MMAA: variants seen among roughly 807,000 people sequenced by gnomAD.
MMAA encodes metabolism of cobalamin associated A.
MMAA carries 41 observed loss-of-function variants against 45.0 expected under a neutral mutation model. The ratio of observed to expected loss-of-function variants is 0.91; its 90% CI spans 0.71 to 1.18. The LOEUF is 1.18. MMAA is among the 50% of genes most tolerant of loss of function. MMAA has a pLI of 0.00. For missense variants in MMAA, 460 were observed against 495.7 expected, an observed-to-expected ratio of 0.93 and a Z score of 0.68; for synonymous variants, 154 against 178.2, an observed-to-expected ratio of 0.86 and a Z score of 1.08.
chr4:145,629,506 A>G (rs1251537034), intron 1 of MMAA, among the ~76,000 whole-genome samples: 1 of 152,172 alleles, frequency 6.6e-6, no homozygotes, highest in African/African-American at 2.4e-5. Context: ...GGCCAGTATT[A>G]TTCTGATACC....
At position 145,639,978 on chromosome 4, in the gene MMAA, T is replaced by G. The variant is rs564120866; in HGVS notation, c.439+400T>G. ...TTATCACGTTTGAAAATTCTGCCTC[T>G]TAGGTATTTCATTAGTCTTTCTATA... On this transcript the variant is annotated intron_variant, in intron 2 of 6. Transcript: ENST00000649156. The G allele has an allele frequency of 2.7e-5, 10 of 373,076 alleles. No individual in the cohort carries two copies. The East Asian group carries it at 1.1e-3, about 42-fold the overall frequency. 23.1% of individuals were successfully genotyped at this position (373,076 alleles called of 1,614,324 possible). A position where few individuals can be genotyped will look rare whatever the true frequency, so the allele number is the denominator to read the frequency against.
intron 1 of MMAA, among the ~76,000 whole-genome samples, chr4:145,637,461 C>A (rs1232528241): frequency 6.6e-6 from 1 of 151,966 alleles, no homozygotes; most frequent in Non-Finnish European, 1.5e-5. Context: ...CCCCACCGCC[C>A]CATAGAGAAA....
intron 1 of MMAA, among the ~76,000 whole-genome samples, chr4:145,637,175 T>C (rs1049202170): frequency 1.3e-5 from 2 of 152,166 alleles, no homozygotes; most frequent in African/African-American, 2.4e-5. Context: ...TAGAAAATAG[T>C]GGTTGAATAA....
chr4:145,619,721 A>T (rs946942264), intron 1 of MMAA, among the ~76,000 whole-genome samples: 2 of 152,164 alleles, frequency 1.3e-5, no homozygotes, highest in African/African-American at 4.8e-5. Flanking sequence ...ACAGCAAGGC[A>T]GCTTTGTTAA....
chr4:145,653,187 G>C (rs1351983461), intron 5 of MMAA, among the ~76,000 whole-genome samples: 1 of 152,062 alleles, frequency 6.6e-6, no homozygotes, highest in Non-Finnish European at 1.5e-5. Flanking sequence ...CAAATTATTT[G>C]TTATACAATG....
chr4:145,647,222 G>T (rs1472708190), intron 4 of MMAA, among the ~76,000 whole-genome samples: 1 of 152,190 alleles, frequency 6.6e-6, no homozygotes, highest in African/African-American at 2.4e-5. Context: ...GTGAGATAAG[G>T]AAGGAAGGGG....
At chr4:145,625,018 G>T in intron 1 of MMAA, 1 of 921,412 alleles carries the variant, frequency 1.1e-6, no homozygotes, top group Non-Finnish European at 1.8e-6. Context: ...TCATATTATA[G>T]GACTGGAACA....
intron 1 of MMAA, among the ~76,000 whole-genome samples, chr4:145,635,327 T>A (rs982609285): frequency 6.6e-6 from 1 of 151,860 alleles, no homozygotes; most frequent in Non-Finnish European, 1.5e-5. Context: ...GCCAGCTGAG[T>A]TTTTCAGGTT....
At chr4:145,630,095 A>G (rs978186910) in intron 1 of MMAA, among the ~76,000 whole-genome samples, 7 of 152,132 alleles carry the variant, frequency 4.6e-5, no homozygotes, top group Admixed American at 3.3e-4. Context: ...AGTTCTTTAA[A>G]TGTTTGATAG....
intron 1 of MMAA, chr4:145,624,846 T>A: frequency 1.2e-6 from 2 of 1,611,334 alleles, no homozygotes; most frequent in Non-Finnish European, 1.7e-6. Context: ...CTGATGGTTC[T>A]GGACAAGCCA....
chr4:145,627,443 T>G (rs548788037), intron 1 of MMAA, among the ~76,000 whole-genome samples: 129 of 152,230 alleles, frequency 8.5e-4, no homozygotes, highest in South Asian at 8.1e-3. Context: ...ATAGAGTAGA[T>G]GGAGTATATA....
chr4:145,651,089 C>CTGACATGGT lies in MMAA; in HGVS notation c.769_777dup (p.Val257_Met259dup). On this transcript the variant is annotated inframe_insertion, in exon 5 of 7. Transcript: ENST00000649156. ...GTGGGTCAGTCGGAGTTTGCTGTTG[C>CTGACATGGT]TGACATGGTTGACATGTTTGTTTTA... The CTGACATGGT allele has an allele frequency of 6.2e-7, 1 of 1,614,106 alleles. No homozygotes were observed. Among genetic ancestry groups the CTGACATGGT allele is most frequent in the South Asian group, 1.1e-5 (1 of 91,078 alleles).
chr4:145,628,521 CT>C (rs1179127907), intron 1 of MMAA, among the ~76,000 whole-genome samples: 1 of 152,192 alleles, frequency 6.6e-6, no homozygotes, highest in Admixed American at 6.5e-5. Context: ...GGATTGAATC[CT>C]CACATGATGT....
At chr4:145,646,361 A>G in intron 4 of MMAA, 2 of 571,254 alleles carry the variant, frequency 3.5e-6, no homozygotes, top group East Asian at 3.4e-5. Flanking sequence ...AAAATAAGCC[A>G]TCTATCTGGA....
intron 4 of MMAA, chr4:145,646,677 C>T (rs1403757968): frequency 1.9e-5 from 3 of 161,626 alleles, no homozygotes; most frequent in Middle Eastern, 3.0e-3. Context: ...GTGATACAGC[C>T]TAACTCAGAT....
chr4:145,634,507 C>T (rs1727553166), intron 1 of MMAA, among the ~76,000 whole-genome samples: 1 of 151,872 alleles, frequency 6.6e-6, no homozygotes, highest in Admixed American at 6.6e-5. Flanking sequence ...CATCCAAGAG[C>T]CAAGGCCTGG....
chr4:145,649,161 T>C (rs1327570085), intron 4 of MMAA, among the ~76,000 whole-genome samples: 1 of 150,512 alleles, frequency 6.6e-6, no homozygotes, highest in Non-Finnish European at 1.5e-5. Context: ...AGCCAGGCAT[T>C]GTGTTACACA....
At chr4:145,628,864 A>AAT (rs1046262893) in intron 1 of MMAA, among the ~76,000 whole-genome samples, 3 of 152,130 alleles carry the variant, frequency 2.0e-5, no homozygotes, top group Non-Finnish European at 4.4e-5. Context: ...TATACACATC[A>AAT]ATATATATAT....
chr4:145,621,489 C>G (rs1734086373), intron 1 of MMAA, among the ~76,000 whole-genome samples: 1 of 152,102 alleles, frequency 6.6e-6, no homozygotes, highest in Non-Finnish European at 1.5e-5. Context: ...CTCATGATGA[C>G]CTATTTAAAA....
Sources: gnomAD v4.1 joint callset for allele counts (sites outside exome capture counted in the v4.1 genomes callset) on GRCh38, gnomAD v4.1.1 for gene constraint, MANE v1.5 for transcripts, NCBI Gene and HGNC (gene_info 2026-07-23, HGNC 2026-07-21) for gene names.